PRKG2: variants seen among roughly 807,000 people sequenced by gnomAD.
The protein encoded by PRKG2 is cGMP-dependent protein kinase 2.
Under a neutral mutation model 97.2 loss-of-function variants are expected in PRKG2, and 33 were observed. That is an observed-to-expected ratio of 0.34 (90% CI 0.26 to 0.45). PRKG2 has a LOEUF of 0.45. Among genes scored for constraint, PRKG2 ranks in the 20% least tolerant of loss-of-function variants. The pLI, the probability that PRKG2 is intolerant of heterozygous loss-of-function variation, is 1.00. For synonymous variants in PRKG2, 330 were observed against 321.8 expected (o/e 1.03, Z -0.27); for missense variants, 638 against 900.0 (o/e 0.71, Z 3.73).
At chr4:81,178,096 A>C in intron 2 of PRKG2, among the ~76,000 whole-genome samples, 1 of 131,626 alleles carries the variant, frequency 7.6e-6, no homozygotes, top group East Asian at 2.7e-4. Flanking sequence ...CCTGGTAACC[A>C]CCCAGGATTT....
intron 6 of PRKG2, chr4:81,153,979 C>T (rs2110061638): frequency 1.1e-5 from 3 of 281,784 alleles, no homozygotes; most frequent in Non-Finnish European, 2.0e-5. Flanking sequence ...CAGGGAGTTC[C>T]CTTTCCTAGT....
rs910935045 is a variant in PRKG2 at position 81,159,149 on chromosome 4, A to G, written c.913-5428T>C. ...CTAAAGAGCTTCTGCATAGCAAAAGAAACTACCATCAGGGTGAACAGGCAA... is the reference window on the plus strand; with the variant it reads ...CTAAAGAGCTTCTGCATAGCAAAAGGAACTACCATCAGGGTGAACAGGCAA... On this transcript the variant is annotated intron_variant, in intron 6 of 18. Transcript: ENST00000264399. Among the ~76,000 whole-genome samples, 24 of 152,350 alleles carry G rather than the reference A, an allele frequency of 1.6e-4. No homozygotes were observed. In the East Asian group the frequency reaches 2.1e-3, roughly 13 times the overall value.
intron 1 of PRKG2, among the ~76,000 whole-genome samples, chr4:81,210,491 C>A: frequency 6.6e-6 from 1 of 152,058 alleles, no homozygotes; most frequent in Non-Finnish European, 1.5e-5. Flanking sequence ...CAAATTTAAA[C>A]AATAATGAGA....
intron 6 of PRKG2, among the ~76,000 whole-genome samples, chr4:81,158,669 G>A (rs1224141235): frequency 6.6e-6 from 1 of 152,022 alleles, no homozygotes; most frequent in Non-Finnish European, 1.5e-5. Flanking sequence ...AACAAAGCTG[G>A]AGGCATCACA....
intron 14 of PRKG2, among the ~76,000 whole-genome samples, chr4:81,118,982 A>T (rs891734566): frequency 6.6e-6 from 1 of 152,126 alleles, no homozygotes; most frequent in African/African-American, 2.4e-5. Context: ...TTTTTTGTAG[A>T]GATGAGGTTT....
rs534793834 is a variant in PRKG2 at position 81,087,567 on chromosome 4, T to A, written c.*2141A>T. Reference sequence around the variant, plus strand: ...TATGCAGCAATGGTTATTTCACAGATACCGGGCAAAAGACTCTCTACATAA... The same window carrying A: ...TATGCAGCAATGGTTATTTCACAGAAACCGGGCAAAAGACTCTCTACATAA... On this transcript the variant is annotated 3_prime_UTR_variant, in exon 19 of 19. Transcript: ENST00000264399. 1.3e-5 allele frequency: 2 copies of A among 152,240 alleles called. No individual in the cohort carries two copies. Among genetic ancestry groups the A allele is most frequent in the South Asian group, 4.1e-4 (2 of 4,824 alleles). 9.4% of individuals were successfully genotyped at this position (152,240 alleles called of 1,614,324 possible).
At chr4:81,188,046 TC>T (rs1752049058) in intron 2 of PRKG2, among the ~76,000 whole-genome samples, 1 of 152,152 alleles carries the variant, frequency 6.6e-6, no homozygotes, top group Admixed American at 6.5e-5. Flanking sequence ...CTAAAGAGCT[TC>T]TGCATAGCAA....
intron 3 of PRKG2, 99 bp from the exon 4 acceptor site, chr4:81,171,903 A>G: frequency 1.3e-6 from 1 of 768,536 alleles, no homozygotes; most frequent in South Asian, 2.2e-5. Flanking sequence ...CACACAAAGT[A>G]TACAGGTAAG....
At chr4:81,179,888 T>C (rs1190252515) in intron 2 of PRKG2, among the ~76,000 whole-genome samples, 9 of 151,954 alleles carry the variant, frequency 5.9e-5, no homozygotes, top group Non-Finnish European at 1.3e-4. Context: ...ATGCTTGTAA[T>C]CCCAGCACTT....
chr4:81,134,763 T>G (rs1360477948), intron 14 of PRKG2, among the ~76,000 whole-genome samples: 1 of 152,154 alleles, frequency 6.6e-6, no homozygotes, highest in Non-Finnish European at 1.5e-5. Flanking sequence ...TATCTTCTCT[T>G]TATATATACA....
At chr4:81,148,786 G>C in intron 9 of PRKG2, 98 bp downstream of exon 9, 1 of 1,026,262 alleles carries the variant, frequency 9.7e-7, no homozygotes, top group South Asian at 1.3e-5. Context: ...GTATTTCCAA[G>C]TGGTGATGAA....
At chr4:81,216,466 T>C (rs1050729689), upstream of PRKG2, among the ~76,000 whole-genome samples, 7 of 152,214 alleles carry the variant, frequency 4.6e-5, no homozygotes, top group African/African-American at 1.7e-4. Context: ...ACTTTTAAGT[T>C]GATGGGCTGA....
upstream of PRKG2, among the ~76,000 whole-genome samples, chr4:81,217,650 G>A (rs966378264): frequency 6.6e-6 from 1 of 152,196 alleles, no homozygotes; most frequent in African/African-American, 2.4e-5. Context: ...ACAATCCAGT[G>A]AGAGAAACAG....
intron 17 of PRKG2, among the ~76,000 whole-genome samples, chr4:81,101,884 T>A (rs1486665380): frequency 6.6e-6 from 1 of 152,122 alleles, no homozygotes; most frequent in Non-Finnish European, 1.5e-5. Context: ...ACTCTAAGAA[T>A]ATACTGAGTA....
intron 2 of PRKG2, among the ~76,000 whole-genome samples, chr4:81,184,190 G>A (rs1005545183): frequency 4.6e-5 from 7 of 152,168 alleles, no homozygotes; most frequent in African/African-American, 1.7e-4. Context: ...ACTGCCATGC[G>A]TACTGACTGG....
At chr4:81,120,408 G>C (rs1744963704) in intron 14 of PRKG2, among the ~76,000 whole-genome samples, 2 of 152,022 alleles carry the variant, frequency 1.3e-5, no homozygotes, top group African/African-American at 2.4e-5. Flanking sequence ...GTTTTTCTTT[G>C]AACAATACTG....
intron 2 of PRKG2, among the ~76,000 whole-genome samples, chr4:81,176,700 A>G (rs1248502318): frequency 6.6e-6 from 1 of 152,220 alleles, no homozygotes; most frequent in Non-Finnish European, 1.5e-5. Flanking sequence ...TAAAATGCAC[A>G]CTTCAAAGAA....
intron 9 of PRKG2, among the ~76,000 whole-genome samples, chr4:81,146,220 T>C (rs1446594147): frequency 6.6e-6 from 1 of 152,208 alleles, no homozygotes; most frequent in Non-Finnish European, 1.5e-5. Flanking sequence ...ACAAATCTTA[T>C]TTTCTAAATA....
chr4:81,148,088 C>G (rs1748032034), intron 9 of PRKG2, among the ~76,000 whole-genome samples: 1 of 152,002 alleles, frequency 6.6e-6, no homozygotes, highest in Admixed American at 6.5e-5. Context: ...AGCTCTATAT[C>G]TCTAGACTCT....
Sources: allele counts gnomAD v4.1 joint callset (sites outside exome capture counted in the v4.1 genomes callset), GRCh38; gene constraint gnomAD v4.1.1; transcripts MANE v1.5; gene names NCBI Gene and HGNC (gene_info 2026-07-23, HGNC 2026-07-21).